The following CSMD1 variants were observed in gnomAD, a reference collection of about 807,000 sequenced individuals.
CSMD1 encodes the protein CUB and sushi domain-containing protein 1.
Under a neutral mutation model 417.5 loss-of-function variants are expected in CSMD1, and 213 were observed. The ratio of observed to expected loss-of-function variants is 0.51; its 90% CI spans 0.46 to 0.57. The LOEUF is 0.57. CSMD1 is among the 20% of genes least tolerant of loss of function. The probability of loss-of-function intolerance (pLI) is 0.00; values close to 1 mark genes in which losing one functional copy is unlikely to be tolerated. For missense variants in CSMD1, 6,923 were observed against 4,529.7 expected, an observed-to-expected ratio of 1.53 and a Z score of -15.17; for synonymous variants, 2,862 against 1,736.8, an observed-to-expected ratio of 1.65 and a Z score of -16.11.
chr8:4,342,975 G>A (rs919206235), intron 3 of CSMD1, among the ~76,000 whole-genome samples: 7 of 152,126 alleles, frequency 4.6e-5, no homozygotes, highest in African/African-American at 1.4e-4. Context: ...ATGTCAGGTA[G>A]AGAATTCCAA....
At chr8:3,286,015 C>G (rs1803127017) in intron 25 of CSMD1, among the ~76,000 whole-genome samples, 1 of 152,026 alleles carries the variant, frequency 6.6e-6, no homozygotes. Context: ...TGTGATGTTC[C>G]CCTTCCTGTG....
In CSMD1 at chr8:3,587,819, A is replaced by C. The variant is rs73179181; in HGVS notation, c.1098-1559T>G. On this transcript the variant is annotated intron_variant, in intron 8 of 69. Transcript: ENST00000635120. ...AAAAGATGTAGACTTTTCCAGATTT[A>C]TCTGTCTAGGAAGTTCTTTTTTTCA... Among the ~76,000 whole-genome samples the C allele has an allele frequency of 1.8e-4, 27 of 152,300 alleles. No homozygotes were observed. The South Asian group carries it at 5.6e-3, about 32-fold the overall frequency.
Position 4,105,008 on chromosome 8 carries a change from C to A in CSMD1, c.416-72909G>T, listed in dbSNP as rs182876363. Among the ~76,000 whole-genome samples the A allele has an allele frequency of 3.5e-3, 538 of 151,910 alleles. 4 individuals carry two copies. The highest frequency in any genetic ancestry group is 5.6e-3 in the Non-Finnish European group (383 of 67,948). ...GTTTCACATTAAAAAAAAAGCAATT[C>A]AATTAAAAACTACATTATAGAAATG... On this transcript the variant is annotated intron_variant, in intron 3 of 69. Coordinates refer to ENST00000635120, the MANE Select transcript of CSMD1 (RefSeq NM_033225.6).
At chr8:3,737,744 T>C (rs780907931) in intron 6 of CSMD1, among the ~76,000 whole-genome samples, 13 of 152,196 alleles carry the variant, frequency 8.5e-5, no homozygotes, top group Non-Finnish European at 1.8e-4. Context: ...TTAAAGATTC[T>C]CTGACCACAT....
rs192801874 is a variant in CSMD1 at position 4,558,987 on chromosome 8, C to T, written c.302+78355G>A. ...TTTCCCTGACTGAACTGGCTTAAGGCAGTATTGTTTCTTGATTGTACATTC... is the reference window on the plus strand; with the variant it reads ...TTTCCCTGACTGAACTGGCTTAAGGTAGTATTGTTTCTTGATTGTACATTC... On this transcript the variant is annotated intron_variant, in intron 2 of 69. Coordinates refer to ENST00000635120, the MANE Select transcript of CSMD1 (RefSeq NM_033225.6). Among the ~76,000 whole-genome samples the T allele has an allele frequency of 3.0e-3, 454 of 152,216 alleles. 2 individuals carry two copies. The highest frequency in any genetic ancestry group is 3.9e-3 in the Non-Finnish European group (262 of 68,018).
chr8:4,662,834 G>C (rs1017592660), intron 1 of CSMD1, among the ~76,000 whole-genome samples: 70 of 152,164 alleles, frequency 4.6e-4, no homozygotes, highest in African/African-American at 1.6e-3. Context: ...TCAAAACATT[G>C]TGGCAGGACA....
At chr8:4,947,845 C>T (rs972136038) in intron 1 of CSMD1, among the ~76,000 whole-genome samples, 3 of 152,060 alleles carry the variant, frequency 2.0e-5, no homozygotes, top group Admixed American at 6.6e-5. Flanking sequence ...TTTATTTATC[C>T]TCACTGCTAT....
intron 3 of CSMD1, among the ~76,000 whole-genome samples, chr8:4,045,492 T>A (rs1798103765): frequency 6.6e-6 from 1 of 152,136 alleles, no homozygotes; most frequent in South Asian, 2.1e-4. Flanking sequence ...TGTCCCCAGT[T>A]GGGGGAAGAC....
rs1563319351 is a variant in CSMD1 at position 4,761,889 on chromosome 8, ACCTACCT to A, written c.86-124338_86-124332del. On this transcript the variant is annotated intron_variant, in intron 1 of 69. Coordinates refer to ENST00000635120, the MANE Select transcript of CSMD1 (RefSeq NM_033225.6). ...TATCTATCTATCTATCTATCTATCT[ACCTACCT>A]ATCTATCTATCTATCAATCTATCTA... is the stretch of plus-strand genomic sequence containing the variant. Among the ~76,000 whole-genome samples the A allele has an allele frequency of 5.6e-4, 41 of 72,768 alleles. No individual in the cohort carries two copies. In the South Asian group the frequency reaches 6.9e-3, roughly 12 times the overall value. 47.7% of individuals were successfully genotyped at this position (72,768 alleles called of 152,430 possible).
chr8:3,797,480 T>G (rs1800223054), intron 5 of CSMD1, among the ~76,000 whole-genome samples: 1 of 151,984 alleles, frequency 6.6e-6, no homozygotes, highest in Non-Finnish European at 1.5e-5. Context: ...TTACCATAAA[T>G]TCATTACATC....
At chr8:2,951,802 G>C (rs1802656528) in intron 65 of CSMD1, among the ~76,000 whole-genome samples, 1 of 152,180 alleles carries the variant, frequency 6.6e-6, no homozygotes, top group Non-Finnish European at 1.5e-5. Context: ...TTTCACTTCA[G>C]AGTCTTTATT....
intron 1 of CSMD1, among the ~76,000 whole-genome samples, chr8:4,914,889 T>C (rs1805946827): frequency 6.6e-6 from 1 of 152,116 alleles, no homozygotes. Context: ...AAGAAAGACA[T>C]GGGGTATTCC....
In CSMD1 at chr8:4,253,840, G is replaced by T. The variant is rs143630231; in HGVS notation, c.415+166113C>A. Among the ~76,000 whole-genome samples the T allele has an allele frequency of 2.8e-3, 418 of 149,316 alleles. 2 individuals carry two copies. Among genetic ancestry groups the T allele is most frequent in the African/African-American group, 9.7e-3 (398 of 40,892 alleles). On this transcript the variant is annotated intron_variant, in intron 3 of 69. Transcript: ENST00000635120. Reference sequence around the variant, plus strand: ...ACACCATTATTATCCTATTGCTAAGGAGGTAACAATACATTTCCTGCTGGT... The same window carrying T: ...ACACCATTATTATCCTATTGCTAAGTAGGTAACAATACATTTCCTGCTGGT...
intron 3 of CSMD1, among the ~76,000 whole-genome samples, chr8:4,132,442 G>A (rs1332092983): frequency 6.6e-6 from 1 of 152,042 alleles, no homozygotes. Context: ...TTTATTTAAA[G>A]GAACAAAATT....
chr8:4,418,566 T>C lies in CSMD1; in HGVS notation c.415+1387A>G, dbSNP rs375438478. ...TAAAATGTGGAAGCATTATCTATTT[T>C]CTGAACAAATATTGTATGTTAACAG... On this transcript the variant is annotated intron_variant, in intron 3 of 69. Coordinates refer to ENST00000635120, the MANE Select transcript of CSMD1 (RefSeq NM_033225.6). 8.5e-5 allele frequency among the ~76,000 whole-genome samples: 13 copies of C among 152,324 alleles called. No individual in the cohort carries two copies. The South Asian group carries it at 2.7e-3, about 32-fold the overall frequency.
chr8:3,830,961 T>C (rs1417922835), intron 5 of CSMD1, among the ~76,000 whole-genome samples: 1 of 152,182 alleles, frequency 6.6e-6, no homozygotes, highest in Non-Finnish European at 1.5e-5. Flanking sequence ...ACAGTTCACC[T>C]AGGACGATTA....
chr8:3,061,916 C>T (rs1027182704), intron 49 of CSMD1, among the ~76,000 whole-genome samples: 2 of 152,082 alleles, frequency 1.3e-5, no homozygotes, highest in Admixed American at 1.3e-4. Context: ...TAGTAAACGG[C>T]TCTGTGAGGG....
At chr8:4,808,618 T>C (rs1015263468) in intron 1 of CSMD1, among the ~76,000 whole-genome samples, 1 of 152,174 alleles carries the variant, frequency 6.6e-6, no homozygotes, top group Non-Finnish European at 1.5e-5. Context: ...AAAAATTAAA[T>C]AGAACACAGC....
At chr8:3,305,002 ATCTAGCATTTGTGAAT>A (rs1329560958) in intron 25 of CSMD1, among the ~76,000 whole-genome samples, 1 of 152,136 alleles carries the variant, frequency 6.6e-6, no homozygotes, top group Non-Finnish European at 1.5e-5. Flanking sequence ...CATTACTCAA[ATCTAGCATTTGTGAAT>A]TCAAAGTTAA....
Sources: gnomAD v4.1 joint callset for allele counts (sites outside exome capture counted in the v4.1 genomes callset) on GRCh38, gnomAD v4.1.1 for gene constraint, MANE v1.5 for transcripts, NCBI Gene and HGNC (gene_info 2026-07-23, HGNC 2026-07-21) for gene names.